Variants in AIG1 observed in about 807,000 individuals in gnomAD.
AIG1 encodes androgen induced 1.
AIG1 carries 23 observed loss-of-function variants against 31.4 expected under a neutral mutation model. The ratio of observed to expected loss-of-function variants is 0.73; its 90% confidence interval spans 0.53 to 1.04. The LOEUF (loss-of-function observed/expected upper bound fraction) is 1.04, where lower values mean the gene tolerates loss of function less well. Ranked by LOEUF, AIG1 falls within the 50% of genes least tolerant of loss-of-function variation. AIG1 has a pLI of 0.00. For missense variants in AIG1, 274 were observed against 295.0 expected, an observed-to-expected ratio of 0.93 and a Z score of 0.52; for synonymous variants, 100 against 110.5, an observed-to-expected ratio of 0.90 and a Z score of 0.60.
At chr6:143,183,313 A>G (rs929425663) in intron 3 of AIG1, among the ~76,000 whole-genome samples, 14 of 150,816 alleles carry the variant, frequency 9.3e-5, no homozygotes, top group African/African-American at 3.4e-4. Flanking sequence ...CCCCTGCCTC[A>G]GCCTCCCAAG....
chr6:143,069,341 A>C (rs1777041220), intron 1 of AIG1, among the ~76,000 whole-genome samples: 1 of 152,208 alleles, frequency 6.6e-6, no homozygotes, highest in Non-Finnish European at 1.5e-5. Flanking sequence ...AGTATACAAT[A>C]CTGTAAGTTT....
rs764435233 is a variant in AIG1, at chr6:143,288,405, G to A, written c.515+4180G>A. Among the ~76,000 whole-genome samples the A allele has an allele frequency of 2.0e-5, 3 of 151,482 alleles. No homozygotes were observed. Among genetic ancestry groups the A allele is most frequent in the Non-Finnish European group, 2.9e-5 (2 of 67,836 alleles). The stretch of plus-strand genomic sequence containing the variant: ...AATACGTGCTGATCTCTCAACCCAG[G>A]ACACATCAAGAGCAAGTAGGCCTTA... On this transcript the variant is annotated intron_variant, in intron 4 of 5. Transcript: ENST00000357847. This position sits in a 1 kb window ranked among gnomAD's most constrained non-coding sequence, Gnocchi z 4.4.
chr6:143,311,404 T>C (rs1775263899), intron 4 of AIG1, among the ~76,000 whole-genome samples: 1 of 151,840 alleles, frequency 6.6e-6, no homozygotes, highest in African/African-American at 2.4e-5. Context: ...CCCATAAATA[T>C]ATGTACAAAT....
chr6:143,264,725 G>A (rs568076336), intron 3 of AIG1, among the ~76,000 whole-genome samples: 3 of 152,266 alleles, frequency 2.0e-5, no homozygotes, highest in South Asian at 2.1e-4. Flanking sequence ...CTTTACCTGC[G>A]TGTTATTGAT....
intron 3 of AIG1, among the ~76,000 whole-genome samples, chr6:143,201,061 A>G (rs150443279): frequency 1.4e-4 from 21 of 152,310 alleles, no homozygotes; most frequent in African/African-American, 4.6e-4. Flanking sequence ...TGCTCAAGAC[A>G]GTAAAGTAAA....
chr6:143,064,201 A>G (rs1776494644), intron 1 of AIG1, among the ~76,000 whole-genome samples: 7 of 152,234 alleles, frequency 4.6e-5, no homozygotes, highest in Admixed American at 4.6e-4. Context: ...TTGCAAATCA[A>G]TTGACCTTAA....
At chr6:143,099,968 C>T (rs557840665) in intron 1 of AIG1, among the ~76,000 whole-genome samples, 22 of 152,254 alleles carry the variant, frequency 1.4e-4, no homozygotes, top group African/African-American at 2.2e-4. Context: ...CTGTGGCCAG[C>T]GGTTTATAAG....
intron 1 of AIG1, among the ~76,000 whole-genome samples, chr6:143,082,093 C>T (rs988747926): frequency 6.6e-6 from 1 of 152,182 alleles, no homozygotes. Flanking sequence ...AATTCCCTTT[C>T]TCTCCATATT....
intron 1 of AIG1, among the ~76,000 whole-genome samples, chr6:143,072,588 GTA>G: frequency 6.7e-6 from 1 of 149,760 alleles, no homozygotes; most frequent in East Asian, 1.9e-4. Context: ...TTTTTTTTTT[GTA>G]TATGCCCCTT....
At chr6:143,161,599 A>T (rs1282222454) in intron 2 of AIG1, among the ~76,000 whole-genome samples, 1 of 151,340 alleles carries the variant, frequency 6.6e-6, no homozygotes, top group South Asian at 2.1e-4. Context: ...ATTATCATAT[A>T]TGATGACCAG....
At chr6:143,175,623 A>G (rs1788069336) in intron 3 of AIG1, among the ~76,000 whole-genome samples, 1 of 152,080 alleles carries the variant, frequency 6.6e-6, no homozygotes. Context: ...TGCATTTTGC[A>G]TTTCTCTAAG....
intron 4 of AIG1, among the ~76,000 whole-genome samples, chr6:143,308,187 G>C (rs954118538): frequency 6.6e-6 from 1 of 152,186 alleles, no homozygotes; most frequent in African/African-American, 2.4e-5. Flanking sequence ...GCCCTGCTTC[G>C]GCTCGCGCAC....
At chr6:143,289,513 C>T (rs559669385) in intron 4 of AIG1, among the ~76,000 whole-genome samples, 115 of 152,204 alleles carry the variant, frequency 7.6e-4, no homozygotes, top group African/African-American at 2.6e-3. Flanking sequence ...GGGGTCCATT[C>T]AGTTGGTTGA....
chr6:143,090,117 A>T (rs1385093858), intron 1 of AIG1, among the ~76,000 whole-genome samples: 1 of 152,216 alleles, frequency 6.6e-6, no homozygotes, highest in Non-Finnish European at 1.5e-5. Flanking sequence ...TTTAGAAAGG[A>T]TAGAGAGTTT....
At chr6:143,168,225 A>T (rs1304027835) in intron 3 of AIG1, among the ~76,000 whole-genome samples, 1 of 152,106 alleles carries the variant, frequency 6.6e-6, no homozygotes, top group East Asian at 1.9e-4. Context: ...TTTTAAATAT[A>T]TGGAAATAAG....
chr6:143,183,186 C>A (rs887786109), intron 3 of AIG1, among the ~76,000 whole-genome samples: 1 of 148,178 alleles, frequency 6.7e-6, no homozygotes, highest in Admixed American at 6.8e-5. Flanking sequence ...AGGAAATAAT[C>A]GGACAATGGC....
At chr6:143,063,145 G>A (rs1776400113) in intron 1 of AIG1, among the ~76,000 whole-genome samples, 1 of 152,202 alleles carries the variant, frequency 6.6e-6, no homozygotes, top group Non-Finnish European at 1.5e-5. Flanking sequence ...TAACCTTTGT[G>A]TGACATGAAA....
chr6:143,131,415 A>G (rs1276790867), intron 1 of AIG1, among the ~76,000 whole-genome samples: 1 of 152,246 alleles, frequency 6.6e-6, no homozygotes, highest in Non-Finnish European at 1.5e-5. Flanking sequence ...GTTATGATAT[A>G]TGGCCTTAAG....
In AIG1 at chr6:143,232,403, A is replaced by G. The variant is rs183325066; in HGVS notation, c.400-51707A>G. On this transcript the variant is annotated intron_variant, in intron 3 of 5. Transcript: ENST00000357847. ...GCCCATGAAGTGCGGTTCTTAGTCA[A>G]ATAGACTCTGTCCTCCACCAAACCA... 7.9e-5 allele frequency among the ~76,000 whole-genome samples: 12 copies of G among 152,296 alleles called. No individual in the cohort carries two copies. The East Asian group carries it at 2.3e-3, about 29-fold the overall frequency.
Sources: allele counts gnomAD v4.1 joint callset (sites outside exome capture counted in the v4.1 genomes callset), GRCh38; gene constraint gnomAD v4.1.1; non-coding constraint Gnocchi (gnomAD v3.1); transcripts MANE v1.5; gene names NCBI Gene and HGNC (gene_info 2026-07-23, HGNC 2026-07-21).